Variants in ZBTB38 observed in about 807,000 individuals in gnomAD.
ZBTB38 encodes the protein zinc finger and BTB domain containing 38.
Under a neutral mutation model 76.8 loss-of-function variants are expected in ZBTB38, and 20 were observed. The observed-to-expected ratio is 0.26, with a 90% CI of 0.18 to 0.38. The LOEUF (loss-of-function observed/expected upper bound fraction) is 0.38. Ranked by LOEUF, ZBTB38 falls within the 10% of genes least tolerant of loss-of-function variation. ZBTB38 has a pLI of 1.00. For missense variants in ZBTB38, 1,082 were observed against 1,482.3 expected, an observed-to-expected ratio of 0.73 and a Z score of 4.43; for synonymous variants, 504 against 544.2, an observed-to-expected ratio of 0.93 and a Z score of 1.03.
rs2080879306 is a variant in ZBTB38, at chr3:141,444,832, T to C, written c.2444T>C (p.Ile815Thr). The stretch of plus-strand genomic sequence containing the variant: ...AATATTGCTGAAGAAACCAGCAAAA[T>C]TGAAACCTACATTGCAAAACCTGCT... ...TTNIAEETSK[I>T]ETYIAKPALP... The change falls in exon 6 of 6, where the codon ATT becomes ACT. Residue 815 changes from isoleucine to threonine, a missense_variant. Coordinates refer to ENST00000321464, the MANE Select transcript of ZBTB38 (RefSeq NM_001376113.1). The surrounding 1 kb of genome is among the most constrained non-coding windows in gnomAD (Gnocchi z 5.1). 6.2e-7 allele frequency: 1 copy of C among 1,614,062 alleles called. No individual in the cohort carries two copies. The highest frequency in any genetic ancestry group is 1.3e-5 in the African/African-American group (1 of 75,014).
chr3:141,349,479 A>C lies in ZBTB38; in HGVS notation c.-738-19142A>C, dbSNP rs567917107. Among the ~76,000 whole-genome samples the C allele has an allele frequency of 5.9e-5, 9 of 152,312 alleles. No individual in the cohort carries two copies. The South Asian group carries it at 1.9e-3, about 32-fold the overall frequency. ...GCAAAAAACAAGCAAACAAACAAAC[A>C]AAAAACCCCAAAGCCAATTAGCACC... On this transcript the variant is annotated intron_variant, in intron 1 of 7. Coordinates refer to the ZBTB38 transcript ENST00000509842.
At chr3:141,357,956 T>C (rs1373780326) in intron 1 of ZBTB38, among the ~76,000 whole-genome samples, 1 of 152,186 alleles carries the variant, frequency 6.6e-6, no homozygotes, top group African/African-American at 2.4e-5. Context: ...TGGTGAGAAC[T>C]CTGTGAGAGA....
At chr3:141,434,191 C>G (rs1156406969) in intron 5 of ZBTB38, 7 of 985,288 alleles carry the variant, frequency 7.1e-6, no homozygotes, top group African/African-American at 5.2e-5. Context: ...TCCAGAGGAA[C>G]AAGGCTATGC....
chr3:141,330,642 T>C (rs1186128075), intron 1 of ZBTB38, among the ~76,000 whole-genome samples: 1 of 152,242 alleles, frequency 6.6e-6, no homozygotes, highest in Non-Finnish European at 1.5e-5. Context: ...GTGGTTTGAA[T>C]GCTCCCCTCA....
At chr3:141,346,105 C>T (rs1299068938) in intron 1 of ZBTB38, among the ~76,000 whole-genome samples, 1 of 152,138 alleles carries the variant, frequency 6.6e-6, no homozygotes, top group East Asian at 1.9e-4. Flanking sequence ...CTCTGAAGCT[C>T]CTGTTGTTTA....
Position 141,445,854 on chromosome 3 carries a change from G to A in ZBTB38, c.3466G>A (p.Glu1156Lys). Reference sequence around the variant, plus strand: ...CTTATTCAAAAGCCCAAGTCAGCAGGAGAAAATAGGTGACGTGTGCCACGA... The same window carrying A: ...CTTATTCAAAAGCCCAAGTCAGCAGAAGAAAATAGGTGACGTGTGCCACGA... ...KHLFKSPSQQEKIGDVCHENS... is the reference protein window; with the variant it reads ...KHLFKSPSQQKKIGDVCHENS... The change falls in exon 6 of 6, where the codon GAG becomes AAG. Residue 1156 changes from glutamate (E) to lysine (K), a missense_variant. Transcript: ENST00000321464. The surrounding 1 kb of genome is among the most constrained non-coding windows in gnomAD (Gnocchi z 6.5). 4 of 1,613,774 alleles carry A rather than the reference G, an allele frequency of 2.5e-6. No individual in the cohort carries two copies. The highest frequency in any genetic ancestry group is 3.4e-6 in the Non-Finnish European group (4 of 1,180,036).
chr3:141,422,895 C>A (rs1040489084), intron 5 of ZBTB38, among the ~76,000 whole-genome samples: 6 of 152,074 alleles, frequency 3.9e-5, no homozygotes, highest in African/African-American at 1.2e-4. Context: ...TTATATAATT[C>A]TTTGAAAGTA....
intron 5 of ZBTB38, among the ~76,000 whole-genome samples, chr3:141,441,327 G>A (rs547461708): frequency 3.8e-4 from 58 of 152,340 alleles, no homozygotes; most frequent in African/African-American, 1.0e-3. Flanking sequence ...AAGAGCCACT[G>A]TGCCTTGAAG....
chr3:141,347,621 G>A (rs1004858223), intron 1 of ZBTB38, among the ~76,000 whole-genome samples: 3 of 152,194 alleles, frequency 2.0e-5, no homozygotes, highest in African/African-American at 7.2e-5. Flanking sequence ...CTAGGCTCCG[G>A]CTGGGCTCAG....
intron 1 of ZBTB38, among the ~76,000 whole-genome samples, chr3:141,337,718 T>A (rs1943056014): frequency 1.3e-5 from 2 of 152,232 alleles, no homozygotes; most frequent in Non-Finnish European, 2.9e-5. Flanking sequence ...TATGGGTAAT[T>A]ACAGGTCTAT....
intron 1 of ZBTB38, among the ~76,000 whole-genome samples, chr3:141,338,393 C>T (rs1943076289): frequency 1.3e-5 from 2 of 152,206 alleles, no homozygotes; most frequent in African/African-American, 4.8e-5. Context: ...ATGAATCAAC[C>T]TAAATGCCCA....
intron 5 of ZBTB38, among the ~76,000 whole-genome samples, chr3:141,439,911 G>A (rs757022664): frequency 3.9e-5 from 6 of 152,218 alleles, no homozygotes; most frequent in Non-Finnish European, 8.8e-5. Flanking sequence ...AGAGCCGAGA[G>A]ACTTGAAAGA....
intron 5 of ZBTB38, among the ~76,000 whole-genome samples, chr3:141,436,425 G>T (rs1437034929): frequency 6.6e-6 from 1 of 152,070 alleles, no homozygotes; most frequent in Non-Finnish European, 1.5e-5. Flanking sequence ...ACAGCCACTT[G>T]GCACCAGTCC....
At chr3:141,419,490 TC>T (rs1268349063) in intron 5 of ZBTB38, among the ~76,000 whole-genome samples, 1 of 152,170 alleles carries the variant, frequency 6.6e-6, no homozygotes, top group African/African-American at 2.4e-5. Flanking sequence ...AATCTAGTCT[TC>T]CATTTAAGTA....
At chr3:141,414,415 C>T (rs1335772397) in intron 5 of ZBTB38, among the ~76,000 whole-genome samples, 1 of 152,206 alleles carries the variant, frequency 6.6e-6, no homozygotes, top group Non-Finnish European at 1.5e-5. Flanking sequence ...AGGCCCAGCC[C>T]AGGGAAAAGT....
intron 1 of ZBTB38, 33 bp downstream of exon 1, chr3:141,368,837 C>G (rs946326364): frequency 6.6e-6 from 1 of 152,060 alleles, no homozygotes; most frequent in Non-Finnish European, 1.5e-5. Flanking sequence ...CCCCCCCTCA[C>G]TCAGCGCCCT....
intron 2 of ZBTB38, among the ~76,000 whole-genome samples, chr3:141,377,304 C>T (rs1945521574): frequency 6.6e-6 from 1 of 152,220 alleles, no homozygotes; most frequent in African/African-American, 2.4e-5. Flanking sequence ...TAGACAGCTA[C>T]CAGGAAAACT....
Position 141,442,074 on chromosome 3 carries a change from GAAA to G in ZBTB38, c.1-303_1-301del, listed in dbSNP as rs537247715. On this transcript the variant is annotated intron_variant, in intron 5 of 5. Transcript: ENST00000321464. This position sits in a 1 kb window ranked among gnomAD's most constrained non-coding sequence, Gnocchi z 6.4. ...TGATGATGAGACCCTTAACATTTCA[GAAA>G]AAAAAAAAAAACCTCCTCCCCTCCC... Among the ~76,000 whole-genome samples, 83 of 130,706 alleles carry G rather than the reference GAAA, an allele frequency of 6.4e-4. No homozygotes were observed. Among genetic ancestry groups the G allele is most frequent in the African/African-American group, 2.0e-3 (72 of 35,456 alleles). 85.7% of individuals were successfully genotyped at this position (130,706 alleles called of 152,430 possible).
intron 1 of ZBTB38, among the ~76,000 whole-genome samples, chr3:141,358,467 T>C (rs1943727508): frequency 6.6e-6 from 1 of 152,300 alleles, no homozygotes; most frequent in South Asian, 2.1e-4. Flanking sequence ...ACTTTGAAAG[T>C]CAAGGAAATG....
Sources: gnomAD v4.1 joint callset for allele counts (sites outside exome capture counted in the v4.1 genomes callset) on GRCh38, gnomAD v4.1.1 for gene constraint, Gnocchi (gnomAD v3.1) non-coding constraint, MANE v1.5 for transcripts, NCBI Gene and HGNC (gene_info 2026-07-23, HGNC 2026-07-21) for gene names.